PTPRN2: variants seen among roughly 807,000 people sequenced by gnomAD.
PTPRN2 encodes the protein protein tyrosine phosphatase receptor type N2, also known as receptor-type tyrosine-protein phosphatase N2.
PTPRN2 carries 74 observed loss-of-function variants against 118.8 expected under a neutral mutation model. The observed-to-expected ratio is 0.62, with a 90% CI of 0.52 to 0.76. The LOEUF is 0.76. Ranked by LOEUF, PTPRN2 falls within the 30% of genes least tolerant of loss-of-function variation. PTPRN2 has a pLI of 0.00. For missense variants in PTPRN2, 1,481 were observed against 1,394.4 expected, an observed-to-expected ratio of 1.06 and a Z score of -0.99; for synonymous variants, 641 against 608.0, an observed-to-expected ratio of 1.05 and a Z score of -0.80.
intron 5 of PTPRN2, among the ~76,000 whole-genome samples, chr7:158,180,774 A>T (rs1460707509): frequency 2.0e-5 from 3 of 152,152 alleles, no homozygotes; most frequent in Non-Finnish European, 4.4e-5. Flanking sequence ...ACTGCTACTG[A>T]TTTGTGTACA....
Position 157,990,139 on chromosome 7 carries a change from G to C in PTPRN2, c.1723+91159C>G, listed in dbSNP as rs374287548. Among the ~76,000 whole-genome samples the C allele has an allele frequency of 2.3e-3, 347 of 152,182 alleles. 16 individuals carry two copies. In the South Asian group the frequency reaches 0.07, roughly 31 times the overall value. On this transcript the variant is annotated intron_variant, in intron 11 of 22. Coordinates refer to ENST00000389418, the MANE Select transcript of PTPRN2 (RefSeq NM_002847.5). This position sits in a 1 kb window ranked among gnomAD's most constrained non-coding sequence, Gnocchi z 4.3. Reference sequence around the variant, plus strand: ...ATACACCGAGACGAAAACAAGCCCAGGTGAAGCTGCAGCTGGGGACACGAG... The same window carrying C: ...ATACACCGAGACGAAAACAAGCCCACGTGAAGCTGCAGCTGGGGACACGAG...
chr7:158,374,760 T>G (rs1810373733), intron 2 of PTPRN2, among the ~76,000 whole-genome samples: 1 of 152,174 alleles, frequency 6.6e-6, no homozygotes, highest in South Asian at 2.1e-4. Context: ...ACCAAGCATA[T>G]CGTGCAAAGG....
chr7:158,076,980 G>A (rs543137568), intron 11 of PTPRN2, among the ~76,000 whole-genome samples: 2 of 152,358 alleles, frequency 1.3e-5, no homozygotes, highest in East Asian at 3.9e-4. Context: ...CGATAGTTAA[G>A]GCTGGCTGGA....
intron 3 of PTPRN2, among the ~76,000 whole-genome samples, chr7:158,224,725 A>G (rs1036383532): frequency 5.3e-5 from 8 of 152,224 alleles, no homozygotes; most frequent in African/African-American, 1.9e-4. Flanking sequence ...AAATTGACAA[A>G]TTGGCCTTCA....
chr7:157,915,492 A>G (rs867684796), intron 11 of PTPRN2, among the ~76,000 whole-genome samples: 107 of 146,196 alleles, frequency 7.3e-4, no homozygotes, highest in Middle Eastern at 3.5e-3. Flanking sequence ...ACAGCGCTGA[A>G]CGCAAGCAGT....
chr7:158,340,571 A>AC (rs1357362793), intron 2 of PTPRN2, among the ~76,000 whole-genome samples: 8 of 117,398 alleles, frequency 6.8e-5, no homozygotes, highest in African/African-American at 9.5e-5. Context: ...CCACAATCTC[A>AC]CCATAAGAGC....
At chr7:158,143,827 C>T (rs371056973) in intron 6 of PTPRN2, among the ~76,000 whole-genome samples, 4 of 152,288 alleles carry the variant, frequency 2.6e-5, no homozygotes, top group African/African-American at 7.2e-5. Context: ...GACAAAAGGA[C>T]TCTCCACACA....
intron 3 of PTPRN2, among the ~76,000 whole-genome samples, chr7:158,272,113 G>A (rs555583598): frequency 2.6e-5 from 4 of 152,298 alleles, no homozygotes; most frequent in Non-Finnish European, 5.9e-5. Context: ...ACGTGAAAAT[G>A]ATCACAGGGT....
chr7:157,589,590 C>A (rs1490276959), intron 17 of PTPRN2, among the ~76,000 whole-genome samples: 2 of 152,216 alleles, frequency 1.3e-5, no homozygotes, highest in Non-Finnish European at 2.9e-5. Flanking sequence ...TTGTTGACAG[C>A]AACCAGAGCT....
intron 3 of PTPRN2, among the ~76,000 whole-genome samples, chr7:158,214,889 A>C (rs1190860074): frequency 3.3e-5 from 5 of 152,228 alleles, no homozygotes; most frequent in Non-Finnish European, 7.3e-5. Flanking sequence ...GGAGTGTCCA[A>C]AAAGAGACAG....
At chr7:157,568,319 C>A (rs953854843) in intron 21 of PTPRN2, among the ~76,000 whole-genome samples, 1 of 152,194 alleles carries the variant, frequency 6.6e-6, no homozygotes, top group East Asian at 1.9e-4. Context: ...CTCCCCACAC[C>A]GTCTCTGAGA....
At chr7:158,110,550 T>A (rs1226947963) in intron 10 of PTPRN2, among the ~76,000 whole-genome samples, 2 of 152,222 alleles carry the variant, frequency 1.3e-5, no homozygotes, top group African/African-American at 4.8e-5. Flanking sequence ...ATAGGACATG[T>A]GCAGAATGTT....
At chr7:158,422,636 G>T (rs1485956923) in intron 2 of PTPRN2, among the ~76,000 whole-genome samples, 1 of 146,660 alleles carries the variant, frequency 6.8e-6, no homozygotes, top group Admixed American at 6.6e-5. Context: ...CCGGCTTCTG[G>T]GGCCACCCTT....
At position 158,438,089 on chromosome 7, in the gene PTPRN2, T is replaced by A. The variant is rs977355375; in HGVS notation, c.163+51646A>T. Among the ~76,000 whole-genome samples the A allele has an allele frequency of 2.0e-5, 3 of 152,058 alleles. No homozygotes were observed. The highest frequency in any genetic ancestry group is 4.4e-5 in the Non-Finnish European group (3 of 67,982). On this transcript the variant is annotated intron_variant, in intron 2 of 22. Coordinates refer to ENST00000389418, the MANE Select transcript of PTPRN2 (RefSeq NM_002847.5). The surrounding 1 kb of genome is among the most constrained non-coding windows in gnomAD (Gnocchi z 4.7). ...GCCCCTCCGATGGGTCTTTTTTAAG[T>A]TTTTTTGGCCAGGGGCTGTGGCTCA...
chr7:158,138,590 G>A, intron 6 of PTPRN2, 75 bp from the exon 7 acceptor site: 1 of 1,424,400 alleles, frequency 7.0e-7, no homozygotes, highest in Non-Finnish European at 9.7e-7. Flanking sequence ...GACCATAGGG[G>A]TGTGGTGGGC....
At chr7:158,087,008 T>C (rs190180863) in intron 10 of PTPRN2, among the ~76,000 whole-genome samples, 1 of 152,314 alleles carries the variant, frequency 6.6e-6, no homozygotes, top group East Asian at 1.9e-4. Context: ...ATTTTGCACA[T>C]TACATTATTT....
Position 158,188,334 on chromosome 7 carries a change from GA to G in PTPRN2, c.549+3992del, listed in dbSNP as rs1563577019. The stretch of plus-strand genomic sequence containing the variant: ...GGGAAGGCCGCCACGCTCGCCCCCT[GA>G]TGGGGAAGGCCGCCACGCTCGCCGC... On this transcript the variant is annotated intron_variant, in intron 5 of 22. Transcript: ENST00000389418. Among the ~76,000 whole-genome samples, 157 of 54,438 alleles carry G rather than the reference GA, an allele frequency of 2.9e-3. 8 individuals are homozygous for G. Among genetic ancestry groups the G allele is most frequent in the East Asian group, 8.0e-3 (10 of 1,254 alleles). The allele number at this position is 54,438 out of a possible 152,430, so 35.7% of individuals were successfully genotyped here.
intron 6 of PTPRN2, among the ~76,000 whole-genome samples, chr7:158,157,962 T>C (rs916993692): frequency 1.3e-5 from 2 of 152,178 alleles, no homozygotes; most frequent in African/African-American, 2.4e-5. Flanking sequence ...GCCAGGGGCA[T>C]GGATCCGAGA....
At chr7:158,346,680 C>A (rs1425540134) in intron 2 of PTPRN2, among the ~76,000 whole-genome samples, 2 of 152,154 alleles carry the variant, frequency 1.3e-5, no homozygotes, top group Non-Finnish European at 1.5e-5. Flanking sequence ...GTTTGAGAGG[C>A]CTCCATACAG....
Sources: gnomAD v4.1 joint callset for allele counts (sites outside exome capture counted in the v4.1 genomes callset) on GRCh38, gnomAD v4.1.1 for gene constraint, Gnocchi (gnomAD v3.1) non-coding constraint, MANE v1.5 for transcripts, NCBI Gene and HGNC (gene_info 2026-07-23, HGNC 2026-07-21) for gene names.